GNAI2: variants seen among roughly 807,000 people sequenced by gnomAD.
The protein encoded by GNAI2 is guanine nucleotide-binding protein G(i) subunit alpha-2.
Under a neutral mutation model 36.8 loss-of-function variants are expected in GNAI2, and 4 were observed. The observed-to-expected ratio is 0.11, with a 90% CI of 0.05 to 0.25. The LOEUF is 0.25. GNAI2 is among the 10% of genes least tolerant of loss of function. The pLI, the probability that GNAI2 is intolerant of heterozygous loss-of-function variation, is 1.00. For synonymous variants in GNAI2, 194 were observed against 194.1 expected (o/e 1.00, Z 0.01); for missense variants, 230 against 481.3 (o/e 0.48, Z 4.89).
intron 1 of GNAI2, among the ~76,000 whole-genome samples, chr3:50,237,539 G>T (rs1278615716): frequency 1.3e-5 from 2 of 152,142 alleles, no homozygotes; most frequent in Admixed American, 1.3e-4. Flanking sequence ...GGCCTGGGAT[G>T]TAGCCTCTGA....
Position 50,257,587 on chromosome 3 carries a change from C to A in GNAI2, c.965C>A (p.Thr322Lys). 6.2e-7 allele frequency: 1 copy of A among 1,609,650 alleles called. No homozygotes were observed. The highest frequency in any genetic ancestry group is 8.5e-7 in the Non-Finnish European group (1 of 1,177,216). Residue 322 changes from threonine to lysine, a missense_variant, in exon 8 of 9, where the codon ACG becomes AAG. Physicochemically the swap from Thr to Lys is moderately conservative, Grantham distance 78 (BLOSUM62 -1). Coordinates refer to ENST00000313601, the MANE Select transcript of GNAI2 (RefSeq NM_002070.4). ...CGCAAAGACACCAAGGAGATCTACACGCACTTCACGTGCGCCACCGACACC... is the reference window on the plus strand; with the variant it reads ...CGCAAAGACACCAAGGAGATCTACAAGCACTTCACGTGCGCCACCGACACC... ...NKRKDTKEIY[T>K]HFTCATDTKN...
At chr3:50,232,342 A>G (rs981098733), upstream of GNAI2, among the ~76,000 whole-genome samples, 1 of 152,098 alleles carries the variant, frequency 6.6e-6, no homozygotes, top group African/African-American at 2.4e-5. Flanking sequence ...AAAAAAAGAA[A>G]TCACTACTAT....
At chr3:50,240,296 A>C (rs975280312) in intron 1 of GNAI2, among the ~76,000 whole-genome samples, 12 of 152,160 alleles carry the variant, frequency 7.9e-5, no homozygotes, top group Non-Finnish European at 1.5e-4. Flanking sequence ...GTGAAGGATG[A>C]ATACCATTTG....
intron 1 of GNAI2, chr3:50,251,643 G>C (rs1553702470): frequency 7.5e-7 from 1 of 1,327,888 alleles, no homozygotes; most frequent in Non-Finnish European, 9.9e-7. Context: ...AAGGCTCAGT[G>C]TGGGGAGAAG....
chr3:50,247,954 G>C (rs12634557), intron 1 of GNAI2, among the ~76,000 whole-genome samples: 4 of 152,242 alleles, frequency 2.6e-5, no homozygotes, highest in Admixed American at 1.3e-4. Context: ...CTGGACTCAG[G>C]CTGGACGCGG....
rs1553702624 is a variant in GNAI2 at position 50,252,443 on chromosome 3, C to T, written c.208C>T (p.Arg70Trp). ...CTCCGAGGAGGAATGCCGGCAGTAC[C>T]GGGCGGTTGTCTACAGCAACACCAT... is the stretch of plus-strand genomic sequence containing the variant. ...GYSEEECRQY[R>W]AVVYSNTIQS... is the part of the protein sequence containing the mutation. The change falls in exon 3 of 9, where the codon CGG becomes TGG. Residue 70 changes from arginine to tryptophan, a missense_variant. Arg to Trp is a moderately radical substitution (Grantham distance 101). This residue lies in a region of GNAI2 where 132 missense variants were observed against 247.4 expected (regional missense o/e 0.53). Coordinates refer to ENST00000313601, the MANE Select transcript of GNAI2 (RefSeq NM_002070.4). The surrounding 1 kb of genome is among the most constrained non-coding windows in gnomAD (Gnocchi z 4.1). 4 of 1,613,390 alleles carry T rather than the reference C, an allele frequency of 2.5e-6. No homozygotes were observed. The highest frequency in any genetic ancestry group is 3.4e-6 in the Non-Finnish European group (4 of 1,179,720).
chr3:50,244,612 G>GGTA (rs1700372940), intron 1 of GNAI2, among the ~76,000 whole-genome samples: 1 of 152,140 alleles, frequency 6.6e-6, no homozygotes, highest in Non-Finnish European at 1.5e-5. Flanking sequence ...GTGCACGTAC[G>GGTA]GTACTGTGTG....
In GNAI2 at chr3:50,257,507, C is replaced by G. The variant is rs587647183; in HGVS notation, c.885C>G (p.Asn295Lys). The change falls in exon 8 of 9, where the codon AAC becomes AAG. Residue 295 changes from asparagine (N) to lysine (K), a missense_variant. Physicochemically the swap from Asn to Lys is moderately conservative, Grantham distance 94 (BLOSUM62 0). This residue lies in a region of GNAI2 where 51 missense variants were observed against 56.7 expected (regional missense o/e 0.90). Coordinates refer to ENST00000313601, the MANE Select transcript of GNAI2 (RefSeq NM_002070.4). ...TICFPEYTGA[N>K]KYDEAASYIQ... ...TCATTTTCTCTCCCCCAGGGGCCAA[C>G]AAATATGATGAGGCAGCCAGCTACA... 6.4e-6 allele frequency: 10 copies of G among 1,558,362 alleles called. No homozygotes were observed. The highest frequency in any genetic ancestry group is 1.9e-5 in the Admixed American group (1 of 52,912).
chr3:50,240,138 A>G (rs1559766690), intron 1 of GNAI2, among the ~76,000 whole-genome samples: 1 of 152,232 alleles, frequency 6.6e-6, no homozygotes, highest in Non-Finnish European at 1.5e-5. Context: ...AGGAGTAAGT[A>G]TAATCCTGGG....
chr3:50,256,922 C>CTATT lies in GNAI2; in HGVS notation c.724-14_724-11dup. The CTATT allele has an allele frequency of 6.2e-7, 1 of 1,613,908 alleles. No individual in the cohort carries two copies. Among genetic ancestry groups the CTATT allele is most frequent in the Non-Finnish European group, 8.5e-7 (1 of 1,179,834 alleles). On this transcript the variant is annotated splice_polypyrimidine_tract_variant and intron_variant, in intron 6 of 8. Transcript: ENST00000313601. ...GGAGTGGTGGCTAGCGTTGACCTTGCTATTCTACCCCCAGAACCGCATGCA... is the reference window on the plus strand; with the variant it reads ...GGAGTGGTGGCTAGCGTTGACCTTGCTATTTATTCTACCCCCAGAACCGCATGCA...
At position 50,257,504 on chromosome 3, in the gene GNAI2, C is replaced by T; in HGVS notation, c.882C>T (p.Ala294=). The T allele has an allele frequency of 6.4e-7, 1 of 1,557,228 alleles. No homozygotes were observed. Among genetic ancestry groups the T allele is most frequent in the Non-Finnish European group, 8.7e-7 (1 of 1,147,822 alleles). ...LTICFPEYTG[A]NKYDEAASYI... The stretch of plus-strand genomic sequence containing the variant: ...TCTTCATTTTCTCTCCCCCAGGGGC[C>T]AACAAATATGATGAGGCAGCCAGCT... The change falls in exon 8 of 9, where the codon GCC becomes GCT. Residue 294 remains alanine, a synonymous_variant. Transcript: ENST00000313601.
Position 50,236,539 on chromosome 3 carries a change from A to ACTC in GNAI2, c.118+88_118+90dup. On this transcript the variant is annotated intron_variant, in intron 1 of 8. Transcript: ENST00000313601. The surrounding 1 kb of genome is among the most constrained non-coding windows in gnomAD (Gnocchi z 4.0). ...TTGACCTCCCAGACTAGGGCTTCAA[A>ACTC]CTCCCAGACCCGGGCTGTCTGGGAC... is the stretch of plus-strand genomic sequence containing the variant. 1 of 1,495,712 alleles carries ACTC rather than the reference A, an allele frequency of 6.7e-7. No homozygotes were observed. Among genetic ancestry groups the ACTC allele is most frequent in the East Asian group, 2.8e-5 (1 of 35,864 alleles). The allele number at this position is 1,495,712 out of a possible 1,614,324, so 92.7% of individuals were successfully genotyped here. A position where few individuals can be genotyped will look rare whatever the true frequency, so the allele number is the denominator to read the frequency against.
At position 50,236,328 on chromosome 3, in the gene GNAI2, A is replaced by C; in HGVS notation, c.-8A>C. ...GGCCGGGCGGCGGCCGGGCCGGCGG[A>C]CGGCGGGATGGGCTGCACCGTGAGC... On this transcript the variant is annotated 5_prime_UTR_variant, in exon 1 of 9. Coordinates refer to ENST00000313601, the MANE Select transcript of GNAI2 (RefSeq NM_002070.4). The surrounding 1 kb of genome is among the most constrained non-coding windows in gnomAD (Gnocchi z 4.0). The C allele has an allele frequency of 7.1e-7, 1 of 1,403,800 alleles. No individual in the cohort carries two copies. The highest frequency in any genetic ancestry group is 9.3e-7 in the Non-Finnish European group (1 of 1,081,072). The allele number at this position is 1,403,800 out of a possible 1,614,324, so 87.0% of individuals were successfully genotyped here.
chr3:50,232,599 G>C (rs1447170886), upstream of GNAI2, among the ~76,000 whole-genome samples: 1 of 152,206 alleles, frequency 6.6e-6, no homozygotes, highest in African/African-American at 2.4e-5. Context: ...GCCTCCAACT[G>C]CTGCAGAGTC....
chr3:50,253,822 G>C lies in GNAI2; in HGVS notation c.464+638G>C, dbSNP rs1700623045. Among the ~76,000 whole-genome samples the C allele has an allele frequency of 6.6e-6, 1 of 152,192 alleles. No individual in the cohort carries two copies. Among genetic ancestry groups the C allele is most frequent in the African/African-American group, 2.4e-5 (1 of 41,438 alleles). On this transcript the variant is annotated intron_variant, in intron 4 of 8. Transcript: ENST00000313601. The surrounding 1 kb of genome is among the most constrained non-coding windows in gnomAD (Gnocchi z 4.2). ...AAAGTCCCCATGCAGTGACAATTTA[G>C]GGTGTTAGTGAAAAGGTAGAGGTGG...
At chr3:50,245,629 G>A (rs587773548) in intron 1 of GNAI2, among the ~76,000 whole-genome samples, 1 of 152,340 alleles carries the variant, frequency 6.6e-6, no homozygotes, top group South Asian at 2.1e-4. Context: ...GCACCTCCTG[G>A]CTCCTGCACA....
Position 50,259,158 on chromosome 3 carries a change from C to A in GNAI2, c.*815C>A. The A allele has an allele frequency of 3.0e-6, 1 of 331,830 alleles. No homozygotes were observed. The highest frequency in any genetic ancestry group is 5.9e-6 in the Non-Finnish European group (1 of 170,884). 20.6% of individuals were successfully genotyped at this position (331,830 alleles called of 1,614,324 possible). ...GAGGGCCCTGCCCCAGCGGCCCTGG[C>A]CCCAGGCTCTATTAACCTAAAATGT... On this transcript the variant is annotated 3_prime_UTR_variant, in exon 9 of 9. Transcript: ENST00000313601.
intron 4 of GNAI2, 88 bp from the exon 5 acceptor site, chr3:50,256,104 A>C: frequency 7.6e-6 from 3 of 395,780 alleles, no homozygotes; most frequent in East Asian, 7.6e-5. Flanking sequence ...ATGGCATGGG[A>C]GGGAAGGGGC....
intron 5 of GNAI2, 28 bp from the exon 6 acceptor site, chr3:50,256,695 C>G: frequency 6.2e-7 from 1 of 1,609,060 alleles, no homozygotes; most frequent in Non-Finnish European, 8.5e-7. Context: ...GGCTCCCTTC[C>G]TGGAACTAAG....
Sources: gnomAD v4.1 joint callset for allele counts (sites outside exome capture counted in the v4.1 genomes callset) on GRCh38, gnomAD v4.1.1 for gene constraint, gnomAD v4.1.1 regional missense constraint, Gnocchi (gnomAD v3.1) non-coding constraint, MANE v1.5 for transcripts, NCBI Gene and HGNC (gene_info 2026-07-23, HGNC 2026-07-21) for gene names.